Variants in GSE1 observed in about 807,000 individuals in gnomAD.
The protein encoded by GSE1 is genetic suppressor element 1.
Under a neutral mutation model 112.6 loss-of-function variants are expected in GSE1, and 32 were observed. The observed-to-expected ratio is 0.28, with a 90% CI of 0.21 to 0.38. The LOEUF is 0.38. GSE1 is among the 10% of genes least tolerant of loss of function. GSE1 has a pLI of 1.00. For missense variants in GSE1, 2,348 were observed against 1,699.2 expected, an observed-to-expected ratio of 1.38 and a Z score of -6.71; for synonymous variants, 1,115 against 735.6, an observed-to-expected ratio of 1.52 and a Z score of -8.35.
intron 2 of GSE1, among the ~76,000 whole-genome samples, chr16:85,644,209 CGTGCCTTT>C (rs1393833688): frequency 4.6e-5 from 7 of 152,122 alleles, no homozygotes; most frequent in Non-Finnish European, 1.0e-4. Context: ...CCTGGTGGCA[CGTGCCTTT>C]AGTCCCGGCT....
rs573954912 is a variant in GSE1, at chr16:85,574,727, G to A, written c.37+18364G>A. ...CTTCGGAAAACACTGTGTCCTGTCC[G>A]CTGGTGGCTCTGCTGAGATTTGGCT... is the stretch of plus-strand genomic sequence containing the variant. On this transcript the variant is annotated intron_variant, in intron 1 of 2. Coordinates refer to the GSE1 transcript ENST00000635906. 1.4e-4 allele frequency among the ~76,000 whole-genome samples: 21 copies of A among 152,332 alleles called. 1 individual carries two copies. The South Asian group carries it at 4.1e-3, about 30-fold the overall frequency.
chr16:85,630,906 G>A (rs1187931301), intron 1 of GSE1, among the ~76,000 whole-genome samples: 1 of 152,104 alleles, frequency 6.6e-6, no homozygotes, highest in Admixed American at 6.5e-5. Context: ...CTGGGTGGTG[G>A]GTGACAGTTC....
chr16:85,231,437 T>A (rs11646013), intron 1 of GSE1, among the ~76,000 whole-genome samples: 3 of 150,534 alleles, frequency 2.0e-5, no homozygotes, highest in Admixed American at 6.6e-5. Flanking sequence ...GATGGACAGA[T>A]GAATGGATGG....
intron 1 of GSE1, among the ~76,000 whole-genome samples, chr16:85,246,500 A>ACCCCCC (rs745863746): frequency 1.1e-4 from 2 of 18,500 alleles, no homozygotes; most frequent in African/African-American, 3.4e-4. Flanking sequence ...CACTCTACAC[A>ACCCCCC]CCCCCCCCCC....
intron 2 of GSE1, among the ~76,000 whole-genome samples, chr16:85,432,648 T>C (rs544738117): frequency 1.3e-5 from 2 of 152,350 alleles, no homozygotes; most frequent in Non-Finnish European, 2.9e-5. Context: ...GCATCTCTCC[T>C]CTTCCCCCAT....
chr16:85,378,667 G>C (rs16975582), intron 2 of GSE1, among the ~76,000 whole-genome samples: 5,087 of 152,306 alleles, frequency 0.033, 278 homozygotes, highest in African/African-American at 0.12. Flanking sequence ...CCATCTTAGA[G>C]ACCAGGAGAC....
rs1184187436 is a variant in GSE1 at position 85,378,093 on chromosome 16, C to T, written c.2464+20450C>T. ...TGGAGACAGACCCCCACCCCCATCCCCCGCCACCACCCGGTGCCAGGGCTC... is the reference window on the plus strand; with the variant it reads ...TGGAGACAGACCCCCACCCCCATCCTCCGCCACCACCCGGTGCCAGGGCTC... On this transcript the variant is annotated intron_variant, in intron 2 of 2. Coordinates refer to the GSE1 transcript ENST00000637419. Among the ~76,000 whole-genome samples, 4 of 152,186 alleles carry T rather than the reference C, an allele frequency of 2.6e-5. No individual in the cohort carries two copies. In the East Asian group the frequency reaches 7.7e-4, roughly 29 times the overall value.
chr16:85,486,233 G>A (rs1449140329), intron 2 of GSE1, among the ~76,000 whole-genome samples: 2 of 152,110 alleles, frequency 1.3e-5, no homozygotes, highest in African/African-American at 4.8e-5. Context: ...TAACACGCTT[G>A]CACACTCACA....
chr16:85,239,642 C>T (rs975102799), intron 1 of GSE1, among the ~76,000 whole-genome samples: 1 of 152,226 alleles, frequency 6.6e-6, no homozygotes, highest in African/African-American at 2.4e-5. Flanking sequence ...GCTGGAGAGC[C>T]AGGGCGGGCC....
intron 1 of GSE1, among the ~76,000 whole-genome samples, chr16:85,208,445 C>A (rs941578892): frequency 6.6e-6 from 1 of 152,188 alleles, no homozygotes; most frequent in Admixed American, 6.5e-5. Flanking sequence ...TGGACCAGGC[C>A]CCTTCCCTGA....
At chr16:85,614,988 T>C (rs2048280036) in intron 1 of GSE1, among the ~76,000 whole-genome samples, 1 of 152,194 alleles carries the variant, frequency 6.6e-6, no homozygotes, top group Non-Finnish European at 1.5e-5. Flanking sequence ...TTGTGAAATG[T>C]GCCCCCTGGT....
chr16:85,226,601 G>A (rs2075489828), intron 1 of GSE1, among the ~76,000 whole-genome samples: 1 of 152,136 alleles, frequency 6.6e-6, no homozygotes, highest in Non-Finnish European at 1.5e-5. Flanking sequence ...TTCTTAATAA[G>A]GTGAGGGAGC....
At chr16:85,468,994 C>T (rs1452763756) in intron 2 of GSE1, among the ~76,000 whole-genome samples, 1 of 152,142 alleles carries the variant, frequency 6.6e-6, no homozygotes, top group Non-Finnish European at 1.5e-5. Flanking sequence ...GTGGCTTACA[C>T]CTGTAATCCC....
At chr16:85,664,011 G>A (rs1035018738) in intron 11 of GSE1, among the ~76,000 whole-genome samples, 1 of 152,270 alleles carries the variant, frequency 6.6e-6, no homozygotes, top group Non-Finnish European at 1.5e-5. Context: ...GTTGTGTCCT[G>A]GTGGCCGGAG....
chr16:85,236,516 C>T (rs1403337846), intron 1 of GSE1, among the ~76,000 whole-genome samples: 1 of 152,210 alleles, frequency 6.6e-6, no homozygotes, highest in Non-Finnish European at 1.5e-5. Context: ...ACGGCCTGTG[C>T]ATAGGCCTGG....
At chr16:85,182,435 C>A (rs1399330097) in intron 1 of GSE1, among the ~76,000 whole-genome samples, 1 of 152,252 alleles carries the variant, frequency 6.6e-6, no homozygotes, top group African/African-American at 2.4e-5. Flanking sequence ...TGTCACTCCC[C>A]TGGCGGCCTG....
intron 2 of GSE1, among the ~76,000 whole-genome samples, chr16:85,473,522 C>A (rs1213508480): frequency 1.3e-5 from 2 of 152,238 alleles, no homozygotes; most frequent in Non-Finnish European, 2.9e-5. Flanking sequence ...ACCCTCCCTG[C>A]CTCTGCCGGC....
At chr16:85,654,727 C>A in intron 4 of GSE1, 67 bp from the exon 5 acceptor site, 1 of 965,424 alleles carries the variant, frequency 1.0e-6, no homozygotes, top group South Asian at 1.4e-5. Flanking sequence ...GGAGTTTAGC[C>A]GTCCCCCCAT....
rs1411478472 is a variant in GSE1 at position 85,434,327 on chromosome 16, A to C, written c.2464+76684A>C. ...GTGGTCTAATAATAATAATAATAAT[A>C]ATAATAATAATAATAATAATCAGTG... On this transcript the variant is annotated intron_variant, in intron 2 of 2. Coordinates refer to the GSE1 transcript ENST00000637419. Among the ~76,000 whole-genome samples the C allele has an allele frequency of 5.0e-5, 7 of 139,106 alleles. No homozygotes were observed. In the East Asian group the frequency reaches 1.4e-3, roughly 27 times the overall value. The allele number at this position is 139,106 out of a possible 152,430, so 91.3% of individuals were successfully genotyped here.
Sources: gnomAD v4.1 joint callset for allele counts (sites outside exome capture counted in the v4.1 genomes callset) on GRCh38, gnomAD v4.1.1 for gene constraint, MANE v1.5 for transcripts, NCBI Gene and HGNC (gene_info 2026-07-23, HGNC 2026-07-21) for gene names.